Variants in MPP7 observed in about 807,000 individuals in gnomAD.
The protein encoded by MPP7 is MAGUK p55 subfamily member 7.
MPP7 carries 60 observed loss-of-function variants against 76.5 expected under a neutral mutation model. The observed-to-expected ratio is 0.78, with a 90% CI of 0.64 to 0.97. The LOEUF (loss-of-function observed/expected upper bound fraction) is 0.97. MPP7 is among the 50% of genes least tolerant of loss of function. MPP7 has a pLI of 0.00. For missense variants in MPP7, 641 were observed against 694.0 expected (o/e 0.92, Z 0.86); for synonymous variants, 237 against 244.5 (o/e 0.97, Z 0.29).
intron 6 of MPP7, among the ~76,000 whole-genome samples, chr10:28,131,089 G>A (rs141163502): frequency 1.1e-4 from 17 of 152,042 alleles, no homozygotes; most frequent in African/African-American, 2.9e-4. Flanking sequence ...TAAGTTCCAC[G>A]CCTCCTGACC....
intron 2 of MPP7, among the ~76,000 whole-genome samples, chr10:28,319,312 G>A (rs1362907691): frequency 1.3e-5 from 2 of 152,114 alleles, no homozygotes; most frequent in African/African-American, 4.8e-5. Context: ...CACCAACACT[G>A]GGGATTACAT....
intron 3 of MPP7, among the ~76,000 whole-genome samples, chr10:28,164,763 C>G (rs1470622726): frequency 1.3e-5 from 2 of 151,810 alleles, no homozygotes; most frequent in Non-Finnish European, 2.9e-5. Context: ...CCCAGGGAAC[C>G]CAAAAGATTG....
At chr10:28,237,419 A>T (rs1387726467) in intron 2 of MPP7, among the ~76,000 whole-genome samples, 1 of 152,212 alleles carries the variant, frequency 6.6e-6, no homozygotes, top group Non-Finnish European at 1.5e-5. Flanking sequence ...CTAACAATCA[A>T]AACTTCTTCC....
chr10:28,309,551 A>C (rs1841277462), intron 2 of MPP7, among the ~76,000 whole-genome samples: 1 of 152,068 alleles, frequency 6.6e-6, no homozygotes, highest in Non-Finnish European at 1.5e-5. Flanking sequence ...GGTTCCTTGG[A>C]GCACTCCCCC....
chr10:28,143,424 A>C (rs1835592030), intron 5 of MPP7, among the ~76,000 whole-genome samples: 1 of 152,170 alleles, frequency 6.6e-6, no homozygotes, highest in Non-Finnish European at 1.5e-5. Context: ...CACTCTGCAA[A>C]AAGTAAAAGT....
chr10:28,153,992 G>A (rs1214311376), intron 3 of MPP7, among the ~76,000 whole-genome samples: 1 of 152,076 alleles, frequency 6.6e-6, no homozygotes, highest in Non-Finnish European at 1.5e-5. Context: ...ACTGGGGGTG[G>A]GGAGAAGATT....
intron 6 of MPP7, among the ~76,000 whole-genome samples, chr10:28,127,871 G>A (rs1471946688): frequency 6.6e-6 from 1 of 152,208 alleles, no homozygotes; most frequent in Non-Finnish European, 1.5e-5. Flanking sequence ...AGAAGATGAT[G>A]TCTGAGTGAA....
chr10:28,257,363 A>G (rs1839817256), intron 1 of MPP7, among the ~76,000 whole-genome samples: 1 of 152,102 alleles, frequency 6.6e-6, no homozygotes, highest in African/African-American at 2.4e-5. Context: ...GAAGATATTA[A>G]ACACAGAATT....
At chr10:28,100,253 G>C (rs898990821) in intron 11 of MPP7, among the ~76,000 whole-genome samples, 2 of 151,972 alleles carry the variant, frequency 1.3e-5, no homozygotes, top group Non-Finnish European at 2.9e-5. Context: ...TGCCAATGCT[G>C]TTATAATAGT....
At position 28,140,719 on chromosome 10, in the gene MPP7, A is replaced by C. The variant is rs1835489827; in HGVS notation, c.315+6764T>G. Among the ~76,000 whole-genome samples the C allele has an allele frequency of 4.6e-5, 7 of 152,278 alleles. No individual in the cohort carries two copies. The South Asian group carries it at 1.5e-3, about 32-fold the overall frequency. On this transcript the variant is annotated intron_variant, in intron 5 of 16. Transcript: ENST00000683449. Reference sequence around the variant, plus strand: ...TGCTTGAAATCTTAATAAAATGTTAAGTTTCCTAGGAAAAAATAAATAATG... The same window carrying C: ...TGCTTGAAATCTTAATAAAATGTTACGTTTCCTAGGAAAAAATAAATAATG...
At chr10:28,182,587 C>A (rs1837093415) in intron 3 of MPP7, among the ~76,000 whole-genome samples, 1 of 152,130 alleles carries the variant, frequency 6.6e-6, no homozygotes, top group Non-Finnish European at 1.5e-5. Flanking sequence ...CCAATAGTGA[C>A]ATGGAGATAA....
At position 28,333,571 on chromosome 10, in the gene MPP7, T is replaced by C. The variant is rs553389411; in HGVS notation, c.-206+847A>G. On this transcript the variant is annotated intron_variant, in intron 1 of 11. Coordinates refer to the MPP7 transcript ENST00000441595. ...CATGTAGGTCTCAGATGTTCCGTTA[T>C]GCAACGTTGTACATTTGTGAAACTA... Among the ~76,000 whole-genome samples, 43 of 152,358 alleles carry C rather than the reference T, an allele frequency of 2.8e-4. No homozygotes were observed. In the South Asian group the frequency reaches 8.9e-3, roughly 32 times the overall value.
chr10:28,076,474 G>A (rs1334973125), intron 12 of MPP7, among the ~76,000 whole-genome samples: 1 of 152,134 alleles, frequency 6.6e-6, no homozygotes, highest in Non-Finnish European at 1.5e-5. Context: ...AAGTGGTGTT[G>A]CAATGAAGGT....
At position 28,246,019 on chromosome 10, in the gene MPP7, C is replaced by T. The variant is rs549309739; in HGVS notation, c.-131-7284G>A. On this transcript the variant is annotated intron_variant, in intron 1 of 16. Transcript: ENST00000683449. ...ACCATCAAGCAGATGAATATACGCACTATGGGAGTCTGAGAAGAACAGAGA... is the reference window on the plus strand; with the variant it reads ...ACCATCAAGCAGATGAATATACGCATTATGGGAGTCTGAGAAGAACAGAGA... 1.6e-4 allele frequency among the ~76,000 whole-genome samples: 25 copies of T among 151,924 alleles called. No homozygotes were observed. In the South Asian group the frequency reaches 3.5e-3, roughly 21 times the overall value.
At chr10:28,069,963 C>T in intron 12 of MPP7, 111 bp from the exon 13 acceptor site, 1 of 713,110 alleles carries the variant, frequency 1.4e-6, no homozygotes, top group Non-Finnish European at 2.5e-6. Context: ...AGCTTTGCAT[C>T]CTAAGTAAAG....
At chr10:28,293,497 A>T (rs79454451) in intron 1 of MPP7, among the ~76,000 whole-genome samples, 2,295 of 152,326 alleles carry the variant, frequency 0.015, 38 homozygotes, top group East Asian at 0.072. Flanking sequence ...TACTTAAGGG[A>T]ATTATGCATA....
chr10:28,168,096 G>T (rs58368296), intron 3 of MPP7, among the ~76,000 whole-genome samples: 23,492 of 151,960 alleles, frequency 0.15, 2,108 homozygotes, highest in East Asian at 0.37. Flanking sequence ...ATTTAGTCGG[G>T]CATGGTGGCG....
intron 1 of MPP7, among the ~76,000 whole-genome samples, chr10:28,253,576 T>C (rs993166006): frequency 6.6e-6 from 1 of 152,196 alleles, no homozygotes; most frequent in African/African-American, 2.4e-5. Context: ...TATATTTCCT[T>C]ATAGTTGATA....
At chr10:28,196,078 A>G (rs1359392276) in intron 3 of MPP7, among the ~76,000 whole-genome samples, 2 of 152,348 alleles carry the variant, frequency 1.3e-5, no homozygotes, top group East Asian at 3.9e-4. Context: ...AAGACCATTC[A>G]TTGCATATCT....
Sources: allele counts gnomAD v4.1 joint callset (sites outside exome capture counted in the v4.1 genomes callset), GRCh38; gene constraint gnomAD v4.1.1; transcripts MANE v1.5; gene names NCBI Gene and HGNC (gene_info 2026-07-23, HGNC 2026-07-21).